CSMD1: variants seen among roughly 807,000 people sequenced by gnomAD.
The protein encoded by CSMD1 is CUB and sushi domain-containing protein 1.
Under a neutral mutation model 417.5 loss-of-function variants are expected in CSMD1, and 213 were observed. The ratio of observed to expected loss-of-function variants is 0.51; its 90% CI spans 0.46 to 0.57. The LOEUF (loss-of-function observed/expected upper bound fraction) is 0.57. CSMD1 is among the 20% of genes least tolerant of loss of function. The pLI is 0.00. For synonymous variants in CSMD1, 2,862 were observed against 1,736.8 expected (o/e 1.65, Z -16.11); for missense variants, 6,923 against 4,529.7 (o/e 1.53, Z -15.17).
intron 5 of CSMD1, among the ~76,000 whole-genome samples, chr8:3,951,017 T>C (rs57330565): frequency 0.012 from 1,788 of 152,320 alleles, 27 homozygotes; most frequent in African/African-American, 0.041. Flanking sequence ...CCGTTTCTGA[T>C]CTACAAAAGT....
intron 49 of CSMD1, among the ~76,000 whole-genome samples, chr8:3,068,610 T>G (rs754663558): frequency 6.6e-6 from 1 of 152,196 alleles, no homozygotes; most frequent in Non-Finnish European, 1.5e-5. Context: ...GGCATCTGCT[T>G]GGCTTCTGGG....
At chr8:4,032,592 T>C (rs1585170682) in intron 3 of CSMD1, among the ~76,000 whole-genome samples, 1 of 152,166 alleles carries the variant, frequency 6.6e-6, no homozygotes, top group African/African-American at 2.4e-5. Flanking sequence ...CAATCAACAT[T>C]TGATGGATAA....
intron 2 of CSMD1, among the ~76,000 whole-genome samples, chr8:4,456,585 A>T (rs1799502436): frequency 1.3e-5 from 2 of 152,158 alleles, no homozygotes; most frequent in East Asian, 3.9e-4. Context: ...CTTCTCACAA[A>T]CACGGCTGTA....
intron 5 of CSMD1, among the ~76,000 whole-genome samples, chr8:3,936,550 C>A (rs1351525956): frequency 6.6e-6 from 1 of 152,150 alleles, no homozygotes; most frequent in African/African-American, 2.4e-5. Context: ...ATCAATGGAA[C>A]AACAAAGCCG....
At chr8:4,092,415 T>C (rs947661639) in intron 3 of CSMD1, among the ~76,000 whole-genome samples, 1 of 152,216 alleles carries the variant, frequency 6.6e-6, no homozygotes, top group Admixed American at 6.5e-5. Context: ...TCATATTGGC[T>C]TCAGCATATT....
chr8:4,881,443 C>G (rs983467574), intron 1 of CSMD1, among the ~76,000 whole-genome samples: 1 of 46,900 alleles, frequency 2.1e-5, no homozygotes, highest in African/African-American at 4.2e-5. Context: ...ATCTATCTAT[C>G]TATCTATCTA....
intron 3 of CSMD1, among the ~76,000 whole-genome samples, chr8:4,034,462 A>G (rs1002321290): frequency 1.3e-5 from 2 of 152,200 alleles, no homozygotes; most frequent in Non-Finnish European, 2.9e-5. Context: ...AAAATTCTGT[A>G]TTTAATTCCA....
chr8:2,990,804 C>T (rs1049862802), intron 54 of CSMD1, among the ~76,000 whole-genome samples: 1 of 152,202 alleles, frequency 6.6e-6, no homozygotes, highest in Non-Finnish European at 1.5e-5. Context: ...TATTCACCTA[C>T]AGCACATGGG....
At position 4,550,764 on chromosome 8, in the gene CSMD1, C is replaced by T. The variant is rs961003888; in HGVS notation, c.302+86578G>A. ...TCTTAACAACTTTTTCTTCTGAGCC[C>T]GGAGGCAGTTTAATCATCTTTATCA... On this transcript the variant is annotated intron_variant, in intron 2 of 69. Coordinates refer to ENST00000635120, the MANE Select transcript of CSMD1 (RefSeq NM_033225.6). Among the ~76,000 whole-genome samples the T allele has an allele frequency of 7.2e-5, 11 of 152,230 alleles. No homozygotes were observed. In the East Asian group the frequency reaches 1.9e-3, roughly 27 times the overall value.
intron 4 of CSMD1, among the ~76,000 whole-genome samples, chr8:4,022,243 G>C (rs539139789): frequency 2.0e-5 from 3 of 149,226 alleles, no homozygotes; most frequent in African/African-American, 7.4e-5. Context: ...GACTATTTTG[G>C]TCTATGCCTC....
At chr8:4,207,840 G>A (rs1346300651) in intron 3 of CSMD1, among the ~76,000 whole-genome samples, 1 of 152,060 alleles carries the variant, frequency 6.6e-6, no homozygotes, top group Non-Finnish European at 1.5e-5. Context: ...CTCAGCCCTG[G>A]TGATGTCAGT....
chr8:4,479,427 A>G (rs1330898899), intron 2 of CSMD1, among the ~76,000 whole-genome samples: 1 of 151,686 alleles, frequency 6.6e-6, no homozygotes, highest in Non-Finnish European at 1.5e-5. Context: ...AAACCAGAAA[A>G]CAAAACAAAA....
chr8:2,989,307 T>C (rs995490272), intron 54 of CSMD1, among the ~76,000 whole-genome samples: 4 of 152,186 alleles, frequency 2.6e-5, no homozygotes. Flanking sequence ...ATAACATGCA[T>C]ATAAATTCTG....
chr8:2,996,013 CT>C (rs1214811851), intron 54 of CSMD1, among the ~76,000 whole-genome samples: 1 of 152,132 alleles, frequency 6.6e-6, no homozygotes, highest in Non-Finnish European at 1.5e-5. Flanking sequence ...CTAATACCCT[CT>C]AAGTTTGCAA....
chr8:4,639,695 T>A (rs1179944840), intron 1 of CSMD1, among the ~76,000 whole-genome samples: 1 of 152,168 alleles, frequency 6.6e-6, no homozygotes, highest in African/African-American at 2.4e-5. Flanking sequence ...AAAGTACAAA[T>A]AGAAAATTAT....
chr8:4,096,883 T>C (rs1801040761), intron 3 of CSMD1, among the ~76,000 whole-genome samples: 1 of 152,184 alleles, frequency 6.6e-6, no homozygotes, highest in Admixed American at 6.5e-5. Flanking sequence ...TCTTGCAATT[T>C]TAAAGCTCTC....
At chr8:4,349,977 T>C (rs778922138) in intron 3 of CSMD1, among the ~76,000 whole-genome samples, 2 of 152,170 alleles carry the variant, frequency 1.3e-5, no homozygotes, top group African/African-American at 4.8e-5. Flanking sequence ...ACTTAAGGGA[T>C]CCAAAGTAAT....
At chr8:3,164,842 C>T (rs910596921) in intron 37 of CSMD1, among the ~76,000 whole-genome samples, 2 of 152,066 alleles carry the variant, frequency 1.3e-5, no homozygotes, top group African/African-American at 4.8e-5. Context: ...ACTAAACTTG[C>T]ATGTTTTACC....
intron 52 of CSMD1, among the ~76,000 whole-genome samples, chr8:3,005,196 T>C (rs184000426): frequency 1.2e-3 from 184 of 152,282 alleles, no homozygotes; most frequent in African/African-American, 4.4e-3. Context: ...ATTGAGGTGT[T>C]ATACGTATGG....
Sources: gnomAD v4.1 joint callset for allele counts (sites outside exome capture counted in the v4.1 genomes callset) on GRCh38, gnomAD v4.1.1 for gene constraint, MANE v1.5 for transcripts, NCBI Gene and HGNC (gene_info 2026-07-23, HGNC 2026-07-21) for gene names.